Variants in CARMIL1 observed in about 807,000 individuals in gnomAD.
The protein encoded by CARMIL1 is F-actin-uncapping protein LRRC16A.
CARMIL1 carries 90 observed loss-of-function variants against 177.1 expected under a neutral mutation model. The ratio of observed to expected loss-of-function variants is 0.51; its 90% CI spans 0.43 to 0.61. CARMIL1 has a LOEUF of 0.61. Ranked by LOEUF, CARMIL1 falls within the 20% of genes least tolerant of loss-of-function variation. The probability of loss-of-function intolerance (pLI) is 0.00; values close to 1 mark genes in which losing one functional copy is unlikely to be tolerated. For synonymous variants in CARMIL1, 577 were observed against 606.2 expected, an observed-to-expected ratio of 0.95 and a Z score of 0.71; for missense variants, 1,380 against 1,667.0, an observed-to-expected ratio of 0.83 and a Z score of 3.00.
intron 11 of CARMIL1, 86 bp downstream of exon 11, chr6:25,472,607 C>A: frequency 9.2e-7 from 1 of 1,092,854 alleles, no homozygotes; most frequent in South Asian, 1.4e-5. Context: ...AGAGCTGTAT[C>A]AAGCTAAGTT....
At chr6:25,426,747 A>G (rs1796312091) in intron 4 of CARMIL1, among the ~76,000 whole-genome samples, 187 bp downstream of exon 4, 1 of 152,234 alleles carries the variant, frequency 6.6e-6, no homozygotes, top group Admixed American at 6.5e-5. Context: ...CACATTCTCC[A>G]TAACTCAGTT....
intron 12 of CARMIL1, among the ~76,000 whole-genome samples, chr6:25,486,166 T>G (rs955011221): frequency 6.6e-6 from 1 of 152,148 alleles, no homozygotes; most frequent in Non-Finnish European, 1.5e-5. Context: ...GAGAAAGGCA[T>G]GTAAATGTGT....
At chr6:25,475,901 C>T (rs1801538144) in intron 11 of CARMIL1, among the ~76,000 whole-genome samples, 1 of 152,190 alleles carries the variant, frequency 6.6e-6, no homozygotes, top group Admixed American at 6.5e-5. Flanking sequence ...GCACTTACTT[C>T]ATTCTGCCCA....
At chr6:25,447,590 G>A (rs1229515553) in intron 5 of CARMIL1, among the ~76,000 whole-genome samples, 1 of 151,916 alleles carries the variant, frequency 6.6e-6, no homozygotes, top group African/African-American at 2.4e-5. Flanking sequence ...TCATGGTACT[G>A]GGTGACTGAC....
chr6:25,611,237 T>C (rs1816483791), intron 36 of CARMIL1, among the ~76,000 whole-genome samples: 1 of 152,236 alleles, frequency 6.6e-6, no homozygotes, highest in Non-Finnish European at 1.5e-5. Context: ...ACTTATTTGC[T>C]ATAAATAAAA....
At chr6:25,384,702 C>G (rs1791977123) in intron 2 of CARMIL1, among the ~76,000 whole-genome samples, 1 of 152,194 alleles carries the variant, frequency 6.6e-6, no homozygotes, top group Non-Finnish European at 1.5e-5. Flanking sequence ...ACCTCATTGC[C>G]TCGTTCTCAG....
At chr6:25,345,201 C>T (rs1416661843) in intron 2 of CARMIL1, among the ~76,000 whole-genome samples, 3 of 152,174 alleles carry the variant, frequency 2.0e-5, no homozygotes, top group Non-Finnish European at 4.4e-5. Context: ...CAGCATTTAA[C>T]AGTCAGTAAG....
In CARMIL1 at chr6:25,437,246, G is replaced by A. The variant is rs1170563160; in HGVS notation, c.371+1642G>A. Reference sequence around the variant, plus strand: ...AAATTATTAAGCACCGCCTTACTTGGCAAGAGCTTATAATACCCTGAACTT... The same window carrying A: ...AAATTATTAAGCACCGCCTTACTTGACAAGAGCTTATAATACCCTGAACTT... On this transcript the variant is annotated intron_variant, in intron 5 of 36. Transcript: ENST00000329474. 3.3e-5 allele frequency among the ~76,000 whole-genome samples: 5 copies of A among 152,266 alleles called. No homozygotes were observed. In the South Asian group the frequency reaches 1.0e-3, roughly 32 times the overall value.
chr6:25,313,637 A>G (rs1337884588), intron 2 of CARMIL1, among the ~76,000 whole-genome samples: 1 of 149,152 alleles, frequency 6.7e-6, no homozygotes, highest in Non-Finnish European at 1.5e-5. Flanking sequence ...GACCTTGTAT[A>G]CATTAATAGT....
At chr6:25,322,074 G>A (rs931945048) in intron 2 of CARMIL1, among the ~76,000 whole-genome samples, 2 of 151,954 alleles carry the variant, frequency 1.3e-5, no homozygotes, top group African/African-American at 2.4e-5. Context: ...GATATAGCAC[G>A]TACCACCATG....
chr6:25,526,999 A>C (rs907649142), intron 23 of CARMIL1, among the ~76,000 whole-genome samples: 4 of 152,208 alleles, frequency 2.6e-5, no homozygotes, highest in Admixed American at 2.6e-4. Flanking sequence ...CAATCTTAAA[A>C]ACACACACAC....
chr6:25,334,510 TC>T (rs1208938059), intron 2 of CARMIL1, among the ~76,000 whole-genome samples: 3 of 150,702 alleles, frequency 2.0e-5, no homozygotes, highest in Non-Finnish European at 4.4e-5. Flanking sequence ...TTAACTAATC[TC>T]CATGCCCACA....
chr6:25,382,709 G>A (rs186780716), intron 2 of CARMIL1, among the ~76,000 whole-genome samples: 53 of 152,220 alleles, frequency 3.5e-4, no homozygotes, highest in Admixed American at 1.9e-3. Flanking sequence ...AAGACACAGG[G>A]CGCTCATTGG....
At chr6:25,510,664 CT>C in intron 19 of CARMIL1, 43 bp from the exon 20 acceptor site, 2 of 1,507,918 alleles carry the variant, frequency 1.3e-6, no homozygotes, top group South Asian at 2.4e-5. Flanking sequence ...CTCCTGAAAG[CT>C]TTTGATTTGA....
intron 2 of CARMIL1, among the ~76,000 whole-genome samples, chr6:25,357,072 TTG>T (rs1423768652): frequency 3.4e-5 from 5 of 148,580 alleles, no homozygotes; most frequent in African/African-American, 1.3e-4. Context: ...GCAGAAGTCA[TTG>T]TGTTTTTTTT....
chr6:25,403,903 G>T (rs1185788447), intron 2 of CARMIL1, among the ~76,000 whole-genome samples: 1 of 152,166 alleles, frequency 6.6e-6, no homozygotes, highest in Non-Finnish European at 1.5e-5. Context: ...AATATAAGCT[G>T]CTTGAAGGCA....
chr6:25,569,323 G>C (rs1260069017), intron 29 of CARMIL1, among the ~76,000 whole-genome samples: 1 of 152,208 alleles, frequency 6.6e-6, no homozygotes, highest in Non-Finnish European at 1.5e-5. Flanking sequence ...GCAGGTTTCA[G>C]AGTTTTGGTG....
At chr6:25,339,554 T>C (rs1786677246) in intron 2 of CARMIL1, among the ~76,000 whole-genome samples, 1 of 152,238 alleles carries the variant, frequency 6.6e-6, no homozygotes, top group Non-Finnish European at 1.5e-5. Context: ...ATCTCAGATA[T>C]TCTTCCTTGA....
At chr6:25,283,457 G>C (rs1781292467) in intron 1 of CARMIL1, among the ~76,000 whole-genome samples, 1 of 152,154 alleles carries the variant, frequency 6.6e-6, no homozygotes, top group Non-Finnish European at 1.5e-5. Flanking sequence ...TGAGAGAAAG[G>C]AGTTGGACAT....
Sources: allele counts gnomAD v4.1 joint callset (sites outside exome capture counted in the v4.1 genomes callset), GRCh38; gene constraint gnomAD v4.1.1; transcripts MANE v1.5; gene names NCBI Gene and HGNC (gene_info 2026-07-23, HGNC 2026-07-21).